Variants in HERC2 observed in about 807,000 individuals in gnomAD.
HERC2 encodes the protein HECT and RLD domain containing E3 ubiquitin protein ligase 2.
Under a neutral mutation model 537.7 loss-of-function variants are expected in HERC2, and 102 were observed. The ratio of observed to expected loss-of-function variants is 0.19; its 90% CI spans 0.16 to 0.22. The LOEUF is 0.22. Among genes scored for constraint, HERC2 ranks in the 10% least tolerant of loss-of-function variants. The pLI is 1.00. For synonymous variants in HERC2, 2,224 were observed against 2,466.2 expected (o/e 0.90, Z 2.91); for missense variants, 4,236 against 6,198.2 (o/e 0.68, Z 10.63).
intron 32 of HERC2, 30 bp from the exon 33 acceptor site, chr15:28,229,626 G>A (rs1901619846): frequency 6.3e-7 from 1 of 1,595,450 alleles, no homozygotes; most frequent in South Asian, 1.1e-5. Context: ...ACAGTTAAGT[G>A]TTATGTATAT....
In HERC2 at chr15:28,206,661, A is replaced by G. The variant is rs531423964; in HGVS notation, c.7070-279T>C. 1.7e-3 allele frequency among the ~76,000 whole-genome samples: 261 copies of G among 150,936 alleles called. 2 individuals carry two copies. Among genetic ancestry groups the G allele is most frequent in the Middle Eastern group, 6.8e-3 (2 of 294 alleles). On this transcript the variant is annotated intron_variant, in intron 44 of 92. Transcript: ENST00000261609. ...ATCCTGGGTAACACGGTGAAACCCCATCTCTACTAAAAATACAAAACATTA... is the reference window on the plus strand; with the variant it reads ...ATCCTGGGTAACACGGTGAAACCCCGTCTCTACTAAAAATACAAAACATTA...
intron 78 of HERC2, among the ~76,000 whole-genome samples, chr15:28,140,939 A>C (rs889902838): frequency 2.6e-5 from 4 of 152,072 alleles, no homozygotes; most frequent in Non-Finnish European, 5.9e-5. Context: ...TTTTCAAAAT[A>C]AAAATAAAAA....
chr15:28,255,573 GA>G, intron 19 of HERC2, among the ~76,000 whole-genome samples: 1 of 152,182 alleles, frequency 6.6e-6, no homozygotes, highest in East Asian at 1.9e-4. Context: ...CAGGGCAGGG[GA>G]GTATCCTGGC....
chr15:28,266,881 C>T (rs2075583792), intron 12 of HERC2, among the ~76,000 whole-genome samples: 1 of 152,136 alleles, frequency 6.6e-6, no homozygotes, highest in Non-Finnish European at 1.5e-5. Context: ...TCCAACTCTA[C>T]ATCTGAAACT....
At chr15:28,188,056 A>T (rs903685576) in intron 55 of HERC2, among the ~76,000 whole-genome samples, 39 of 152,338 alleles carry the variant, frequency 2.6e-4, no homozygotes, top group African/African-American at 9.4e-4. Flanking sequence ...GGGATGCAAA[A>T]GCCAAGTTGA....
intron 4 of HERC2, among the ~76,000 whole-genome samples, chr15:28,287,719 C>CTTTTTT (rs766216433): frequency 2.2e-4 from 28 of 124,784 alleles, no homozygotes; most frequent in Non-Finnish European, 2.5e-4. Context: ...ACTTATTCCT[C>CTTTTTT]TTTTTTTTTT....
rs1895257556 is a variant in HERC2 at position 28,176,023 on chromosome 15, C to CTGGA, written c.9687-368_9687-367insTCCA. Reference sequence around the variant, plus strand: ...TTGGCACTAAGGCCTGACACACCATCCACAGCCAGTCCAGGCACCTGCTCT... The same window carrying CTGGA: ...TTGGCACTAAGGCCTGACACACCATCTGGACACAGCCAGTCCAGGCACCTGCTCT... On this transcript the variant is annotated intron_variant, in intron 63 of 92. Coordinates refer to ENST00000261609, the MANE Select transcript of HERC2 (RefSeq NM_004667.6). This position sits in a 1 kb window ranked among gnomAD's most constrained non-coding sequence, Gnocchi z 5.0. Among the ~76,000 whole-genome samples the CTGGA allele has an allele frequency of 6.6e-6, 1 of 152,184 alleles. No individual in the cohort carries two copies. Among genetic ancestry groups the CTGGA allele is most frequent in the African/African-American group, 2.4e-5 (1 of 41,426 alleles).
rs747107263 is a variant in HERC2, at chr15:28,272,420, CAG to C, written c.912-36_912-35del. On this transcript the variant is annotated intron_variant, in intron 8 of 92. Transcript: ENST00000261609. Reference sequence around the variant, plus strand: ...GAAAAGATATTTATTCTAGTAAAAACAGATTAACTTCTTTTCTTCACAGTTGA... The same window carrying C: ...GAAAAGATATTTATTCTAGTAAAAACATTAACTTCTTTTCTTCACAGTTGA... 2.3e-4 allele frequency: 363 copies of C among 1,564,634 alleles called. 3 individuals carry two copies. In the South Asian group the frequency reaches 3.1e-3, roughly 13 times the overall value.
At chr15:28,126,125 T>C (rs1889453904) in intron 83 of HERC2, among the ~76,000 whole-genome samples, 1 of 151,822 alleles carries the variant, frequency 6.6e-6, no homozygotes, top group South Asian at 2.1e-4. Flanking sequence ...ATGGCCATAA[T>C]AAAATAAGAA....
At chr15:28,200,748 T>A (rs1359388686) in intron 48 of HERC2, among the ~76,000 whole-genome samples, 1 of 149,720 alleles carries the variant, frequency 6.7e-6, no homozygotes, top group Non-Finnish European at 1.5e-5. Context: ...GAATTATTAT[T>A]TATTTTGTTA....
Position 28,124,199 on chromosome 15 carries a change from G to A in HERC2, c.13026C>T (p.Pro4342=). The A allele has an allele frequency of 1.3e-6, 2 of 1,540,894 alleles. No homozygotes were observed. Among genetic ancestry groups the A allele is most frequent in the Non-Finnish European group, 1.8e-6 (2 of 1,139,958 alleles). The change falls in exon 85 of 93, where the codon CCC becomes CCT. Residue 4342 remains proline (P), a synonymous_variant. Coordinates refer to ENST00000261609, the MANE Select transcript of HERC2 (RefSeq NM_004667.6). The stretch of plus-strand genomic sequence containing the variant: ...GCAGACGGTTCCTCAGCGCAATGAT[G>A]GGGATCTCCTGCAGGTGATTGTACT... The part of the protein sequence containing the change: ...PMEYNHLQEI[P]IIALRNRLLL...
At chr15:28,198,194 A>G (rs560719018) in intron 50 of HERC2, among the ~76,000 whole-genome samples, 184 bp downstream of exon 50, 7 of 152,312 alleles carry the variant, frequency 4.6e-5, no homozygotes, top group East Asian at 1.9e-4. Context: ...TAATAAATCT[A>G]ATTGTTTCAC....
At chr15:28,208,031 T>C (rs184786339) in intron 44 of HERC2, among the ~76,000 whole-genome samples, 2 of 152,220 alleles carry the variant, frequency 1.3e-5, no homozygotes, top group African/African-American at 2.4e-5. Context: ...CACTGCTCAT[T>C]GGGCTGAGTG....
At chr15:28,167,642 T>G (rs1252482825) in intron 68 of HERC2, 45 bp downstream of exon 68, 3 of 1,607,480 alleles carry the variant, frequency 1.9e-6, no homozygotes, top group Admixed American at 1.7e-5. Context: ...TGTGTACATT[T>G]AAGATTATTT....
intron 38 of HERC2, among the ~76,000 whole-genome samples, chr15:28,216,297 T>C (rs1040227891): frequency 3.3e-5 from 5 of 151,170 alleles, no homozygotes; most frequent in African/African-American, 9.8e-5. Context: ...TTATATTTAA[T>C]CTGCACCACT....
chr15:28,135,221 C>CA (rs1403836216), intron 79 of HERC2, among the ~76,000 whole-genome samples: 1 of 151,902 alleles, frequency 6.6e-6, no homozygotes, highest in Non-Finnish European at 1.5e-5. Context: ...GGGAGAAGGA[C>CA]AAAAAAACAC....
intron 44 of HERC2, among the ~76,000 whole-genome samples, chr15:28,209,587 C>A (rs1032689034): frequency 6.6e-6 from 1 of 152,182 alleles, no homozygotes; most frequent in Non-Finnish European, 1.5e-5. Context: ...TCGTGATCTG[C>A]CCGCCTTAGC....
intron 12 of HERC2, among the ~76,000 whole-genome samples, chr15:28,267,584 A>G (rs2075602933): frequency 6.6e-6 from 1 of 152,164 alleles, no homozygotes; most frequent in African/African-American, 2.4e-5. Context: ...CTCGTCTTAG[A>G]TTTGTCTGAA....
chr15:28,270,150 A>G (rs940192113), intron 10 of HERC2, among the ~76,000 whole-genome samples: 1 of 151,972 alleles, frequency 6.6e-6, no homozygotes, highest in African/African-American at 2.4e-5. Flanking sequence ...TTAAGTTGAG[A>G]CAGGGTTTCT....
Sources: allele counts gnomAD v4.1 joint callset (sites outside exome capture counted in the v4.1 genomes callset), GRCh38; gene constraint gnomAD v4.1.1; non-coding constraint Gnocchi (gnomAD v3.1); transcripts MANE v1.5; gene names NCBI Gene and HGNC (gene_info 2026-07-23, HGNC 2026-07-21).